The following GRID2 variants were observed in gnomAD, a reference collection of about 807,000 sequenced individuals.
The protein encoded by GRID2 is glutamate ionotropic receptor delta type subunit 2.
Under a neutral mutation model 114.8 loss-of-function variants are expected in GRID2, and 33 were observed. The ratio of observed to expected loss-of-function variants is 0.29; its 90% CI spans 0.22 to 0.38. GRID2 has a LOEUF of 0.38. Among genes scored for constraint, GRID2 ranks in the 10% least tolerant of loss-of-function variants. The probability of loss-of-function intolerance (pLI) is 1.00; values close to 1 mark genes in which losing one functional copy is unlikely to be tolerated. For missense variants in GRID2, 1,184 were observed against 1,257.7 expected (o/e 0.94, Z 0.89); for synonymous variants, 505 against 449.9 (o/e 1.12, Z -1.55).
At chr4:93,362,702 G>A (rs549607414) in intron 8 of GRID2, among the ~76,000 whole-genome samples, 1 of 152,052 alleles carries the variant, frequency 6.6e-6, no homozygotes, top group African/African-American at 2.4e-5. Context: ...ACCACTGAGA[G>A]AAGTTTTCTC....
intron 14 of GRID2, among the ~76,000 whole-genome samples, chr4:93,759,722 A>G (rs2110306593): frequency 6.6e-6 from 1 of 152,308 alleles, no homozygotes; most frequent in Non-Finnish European, 1.5e-5. Context: ...ACCTTTAATC[A>G]CAAAGCGATT....
chr4:92,343,327 A>G (rs1239442277), intron 1 of GRID2, among the ~76,000 whole-genome samples: 1 of 151,716 alleles, frequency 6.6e-6, no homozygotes, highest in Non-Finnish European at 1.5e-5. Flanking sequence ...TAATATTTAC[A>G]TACTATACAT....
intron 1 of GRID2, among the ~76,000 whole-genome samples, chr4:92,561,222 T>C (rs1727090422): frequency 6.6e-6 from 1 of 152,206 alleles, no homozygotes; most frequent in African/African-American, 2.4e-5. Flanking sequence ...ATGAAGAAGT[T>C]TGTTCAACTT....
Position 92,790,884 on chromosome 4 carries a change from C to T in GRID2, c.244+200598C>T, listed in dbSNP as rs148226890. On this transcript the variant is annotated intron_variant, in intron 2 of 15. Coordinates refer to ENST00000282020, the MANE Select transcript of GRID2 (RefSeq NM_001510.4). ...AGCATTAGAGTGAAGGGGCAAGCAC[C>T]GGGGCACAGGAGCCAGACTGCTGAG... 2.6e-4 allele frequency among the ~76,000 whole-genome samples: 40 copies of T among 151,762 alleles called. 1 individual carries two copies. The East Asian group carries it at 3.1e-3, about 12-fold the overall frequency.
At chr4:93,242,600 CAG>C (rs1464326182) in intron 8 of GRID2, among the ~76,000 whole-genome samples, 2 of 151,956 alleles carry the variant, frequency 1.3e-5, no homozygotes, top group Non-Finnish European at 2.9e-5. Context: ...AAGAGTATAA[CAG>C]AGACAAAGTA....
chr4:92,428,812 G>T (rs1178711776), intron 1 of GRID2, among the ~76,000 whole-genome samples: 1 of 151,928 alleles, frequency 6.6e-6, no homozygotes, highest in Non-Finnish European at 1.5e-5. Flanking sequence ...TGCACAGTAG[G>T]TGTGTACATT....
rs1263169888 is a variant in GRID2 at position 92,832,881 on chromosome 4, CA to C, written c.244+242596del. On this transcript the variant is annotated intron_variant, in intron 2 of 15. Coordinates refer to ENST00000282020, the MANE Select transcript of GRID2 (RefSeq NM_001510.4). Reference sequence around the variant, plus strand: ...ATCCAAGTGGATATAGTAATGAACTCACTTTTATCAATTACAGTATTCATAG... The same window carrying C: ...ATCCAAGTGGATATAGTAATGAACTCCTTTTATCAATTACAGTATTCATAG... 3.3e-5 allele frequency among the ~76,000 whole-genome samples: 5 copies of C among 152,272 alleles called. No individual in the cohort carries two copies. In the South Asian group the frequency reaches 8.3e-4, roughly 25 times the overall value.
At chr4:92,692,953 G>A (rs1458332054) in intron 2 of GRID2, among the ~76,000 whole-genome samples, 1 of 151,758 alleles carries the variant, frequency 6.6e-6, no homozygotes, top group African/African-American at 2.4e-5. Context: ...AGTCCTGGGG[G>A]CAGAGGTGGC....
At chr4:92,790,350 A>C (rs1309844288) in intron 2 of GRID2, among the ~76,000 whole-genome samples, 1 of 151,804 alleles carries the variant, frequency 6.6e-6, no homozygotes, top group East Asian at 1.9e-4. Context: ...CATATTTCTC[A>C]ATAAATGGCA....
chr4:93,144,494 T>G lies in GRID2; in HGVS notation c.735+33541T>G, dbSNP rs185962002. Among the ~76,000 whole-genome samples, 80 of 152,326 alleles carry G rather than the reference T, an allele frequency of 5.3e-4. 1 individual carries two copies. In the East Asian group the frequency reaches 0.014, roughly 26 times the overall value. ...TGCAGTCCATAAGGGCCTTTGGCTC[T>G]ACAAAGCAGGTGGGAGAGATGCACT... On this transcript the variant is annotated intron_variant, in intron 4 of 15. Coordinates refer to ENST00000282020, the MANE Select transcript of GRID2 (RefSeq NM_001510.4).
At chr4:92,863,893 C>T (rs928840488) in intron 2 of GRID2, among the ~76,000 whole-genome samples, 1 of 152,092 alleles carries the variant, frequency 6.6e-6, no homozygotes, top group Non-Finnish European at 1.5e-5. Flanking sequence ...AAGGATTCAT[C>T]TCTCAGCTCC....
At chr4:92,794,905 T>TATACACAC (rs745392261) in intron 2 of GRID2, among the ~76,000 whole-genome samples, 43 of 127,798 alleles carry the variant, frequency 3.4e-4, no homozygotes, top group African/African-American at 1.2e-3. Flanking sequence ...TATATATATA[T>TATACACAC]ACACACACAC....
At chr4:92,752,477 A>G (rs2149339812) in intron 2 of GRID2, among the ~76,000 whole-genome samples, 1 of 152,296 alleles carries the variant, frequency 6.6e-6, no homozygotes, top group East Asian at 1.9e-4. Flanking sequence ...GAGTGTACAA[A>G]AGTCAAATTA....
chr4:93,201,312 A>C (rs1475090146), intron 4 of GRID2, among the ~76,000 whole-genome samples: 1 of 152,190 alleles, frequency 6.6e-6, no homozygotes, highest in Non-Finnish European at 1.5e-5. Context: ...CTTTTAGTGG[A>C]ACTAGTGTCC....
intron 13 of GRID2, among the ~76,000 whole-genome samples, chr4:93,556,119 G>A (rs929213425): frequency 6.6e-6 from 1 of 152,170 alleles, no homozygotes; most frequent in African/African-American, 2.4e-5. Context: ...CAGCATCAAA[G>A]ACCAAAGGTA....
chr4:92,309,090 A>G (rs914407571), intron 1 of GRID2, among the ~76,000 whole-genome samples: 1 of 152,048 alleles, frequency 6.6e-6, no homozygotes, highest in Admixed American at 6.6e-5. Flanking sequence ...ATGTACATCC[A>G]CTAAATATCT....
intron 1 of GRID2, among the ~76,000 whole-genome samples, chr4:92,379,369 T>C (rs1308889755): frequency 6.6e-6 from 1 of 151,994 alleles, no homozygotes; most frequent in Non-Finnish European, 1.5e-5. Context: ...GCAAAATATA[T>C]GGAGATATGG....
intron 8 of GRID2, among the ~76,000 whole-genome samples, chr4:93,357,256 T>G (rs1054904731): frequency 5.2e-4 from 79 of 151,754 alleles, no homozygotes; most frequent in African/African-American, 1.8e-3. Context: ...GTATGTACAT[T>G]TCTTTGATTA....
intron 2 of GRID2, among the ~76,000 whole-genome samples, chr4:92,903,344 A>G (rs898689092): frequency 2.0e-5 from 3 of 151,962 alleles, no homozygotes; most frequent in Admixed American, 6.6e-5. Context: ...TAAAATTGCA[A>G]AGTAAGTAAA....
Sources: allele counts gnomAD v4.1 joint callset (sites outside exome capture counted in the v4.1 genomes callset), GRCh38; gene constraint gnomAD v4.1.1; transcripts MANE v1.5; gene names NCBI Gene and HGNC (gene_info 2026-07-23, HGNC 2026-07-21).